The following PANK3 variants were observed in gnomAD, a reference collection of about 807,000 sequenced individuals.
The protein encoded by PANK3 is hPanK3.
In PANK3, 20 loss-of-function variants were observed where a neutral mutation model predicts 39.4. That is an observed-to-expected ratio of 0.51 (90% CI 0.36 to 0.74). The LOEUF (loss-of-function observed/expected upper bound fraction) is 0.74. Among genes scored for constraint, PANK3 ranks in the 30% least tolerant of loss-of-function variants. PANK3 has a pLI of 0.00. For missense variants in PANK3, 265 were observed against 437.0 expected, an observed-to-expected ratio of 0.61 and a Z score of 3.51; for synonymous variants, 140 against 157.3, an observed-to-expected ratio of 0.89 and a Z score of 0.82.
intron 2 of PANK3, 66 bp downstream of exon 2, chr5:168,568,580 G>T: frequency 2.5e-6 from 3 of 1,194,468 alleles, no homozygotes; most frequent in East Asian, 2.3e-5. Context: ...GAACATGCTA[G>T]ATGGAAACCT....
intron 5 of PANK3, among the ~76,000 whole-genome samples, chr5:168,560,578 T>C (rs1051051447): frequency 2.0e-5 from 3 of 152,204 alleles, no homozygotes; most frequent in Non-Finnish European, 4.4e-5. Flanking sequence ...CTTTGTTTTC[T>C]TCATTAATAT....
In PANK3 at chr5:168,552,529, T is replaced by C. The variant is rs911331974; in HGVS notation, c.*5042A>G. On this transcript the variant is annotated 3_prime_UTR_variant, in exon 7 of 7. Transcript: ENST00000239231. ...TCCAACTAGAAAGTTGGAGGTCCAG[T>C]TGGAGCAACCAGCCACTGCTATTGC... 5.3e-6 allele frequency: 1 copy of C among 190,272 alleles called. No homozygotes were observed. Among genetic ancestry groups the C allele is most frequent in the Non-Finnish European group, 1.2e-5 (1 of 84,422 alleles). 11.8% of individuals were successfully genotyped at this position (190,272 alleles called of 1,614,324 possible).
At chr5:168,565,885 A>ATATATATATATTTTTT (rs1441027360) in intron 3 of PANK3, 128 bp downstream of exon 3, 1 of 192,932 alleles carries the variant, frequency 5.2e-6, no homozygotes, top group African/African-American at 2.7e-5. Context: ...ATATATATAT[A>ATATATATATATTTTTT]TTTTTTTTTT....
At chr5:168,578,151 C>T (rs1561844395) in intron 1 of PANK3, among the ~76,000 whole-genome samples, 1 of 152,304 alleles carries the variant, frequency 6.6e-6, no homozygotes, top group African/African-American at 2.4e-5. Flanking sequence ...AACCACATAG[C>T]ACATGGTTGG....
Position 168,559,029 on chromosome 5 carries a change from T to C in PANK3, c.1062+3A>G, listed in dbSNP as rs1391454257. On this transcript the variant is annotated splice_donor_region_variant and intron_variant, in intron 6 of 6. Coordinates refer to ENST00000239231, the MANE Select transcript of PANK3 (RefSeq NM_024594.4). ...ATTCACAAAAAACATTTTCCTACCA[T>C]ACCTCATGTTCTAGAAACAATGCTT... 3.8e-6 allele frequency: 6 copies of C among 1,599,500 alleles called. No individual in the cohort carries two copies. Among genetic ancestry groups the C allele is most frequent in the Admixed American group, 1.8e-5 (1 of 56,958 alleles).
intron 4 of PANK3, among the ~76,000 whole-genome samples, chr5:168,563,545 T>C (rs1291698039): frequency 6.6e-6 from 1 of 151,992 alleles, no homozygotes; most frequent in Non-Finnish European, 1.5e-5. Context: ...GTCAACAACA[T>C]GTAAAGATTT....
intron 1 of PANK3, among the ~76,000 whole-genome samples, chr5:168,572,698 T>A (rs1032514674): frequency 2.6e-5 from 4 of 152,216 alleles, no homozygotes; most frequent in Non-Finnish European, 5.9e-5. Context: ...GATGTATATG[T>A]GCAAGTCACA....
intron 1 of PANK3, among the ~76,000 whole-genome samples, chr5:168,570,733 G>A (rs1177913175): frequency 6.6e-6 from 1 of 152,220 alleles, no homozygotes; most frequent in Non-Finnish European, 1.5e-5. Context: ...CTTAGCTAAA[G>A]AGCTTAGACT....
At chr5:168,561,570 CG>C in intron 4 of PANK3, 54 bp from the exon 5 acceptor site, 1 of 1,437,488 alleles carries the variant, frequency 7.0e-7, no homozygotes, top group Non-Finnish European at 9.3e-7. Context: ...CAACATTTTA[CG>C]TATTAACAGA....
At chr5:168,559,250 T>G in intron 5 of PANK3, 93 bp from the exon 6 acceptor site, 3 of 922,314 alleles carry the variant, frequency 3.3e-6, no homozygotes, top group Non-Finnish European at 4.6e-6. Flanking sequence ...TATTTTAAAA[T>G]GCAAAAAAAC....
intron 2 of PANK3, among the ~76,000 whole-genome samples, chr5:168,568,043 A>G (rs1759563841): frequency 6.6e-6 from 1 of 152,228 alleles, no homozygotes; most frequent in Admixed American, 6.5e-5. Context: ...ATTCTAATGG[A>G]AAAGACTAGA....
chr5:168,551,108 G>A lies in PANK3; in HGVS notation c.*6463C>T, dbSNP rs142027194. On this transcript the variant is annotated 3_prime_UTR_variant, in exon 7 of 7. Transcript: ENST00000239231. Reference sequence around the variant, plus strand: ...TTAACAGAAGGAATTCCTTTTTTAGGTCTTTAGTGATTATTACTAGGCTCA... The same window carrying A: ...TTAACAGAAGGAATTCCTTTTTTAGATCTTTAGTGATTATTACTAGGCTCA... The A allele has an allele frequency of 3.9e-5, 6 of 152,166 alleles. No individual in the cohort carries two copies. In the East Asian group the frequency reaches 1.2e-3, roughly 29 times the overall value. The allele number at this position is 152,166 out of a possible 1,614,324, so 9.4% of individuals were successfully genotyped here. A position where few individuals can be genotyped will look rare whatever the true frequency, so the allele number is the denominator to read the frequency against.
rs762833666 is a variant in PANK3 at position 168,550,997 on chromosome 5, A to C, written c.*6574T>G. ...TTTGAATTTTTTGGAAGTGGAAATT[A>C]ATTATTCAAAATTTAGATATGTCAG... On this transcript the variant is annotated 3_prime_UTR_variant, in exon 7 of 7. Coordinates refer to ENST00000239231, the MANE Select transcript of PANK3 (RefSeq NM_024594.4). 2 of 152,196 alleles carry C rather than the reference A, an allele frequency of 1.3e-5. No individual in the cohort carries two copies. Among genetic ancestry groups the C allele is most frequent in the Non-Finnish European group, 2.9e-5 (2 of 68,014 alleles). 9.4% of individuals were successfully genotyped at this position (152,196 alleles called of 1,614,324 possible).
At chr5:168,561,145 TTG>T (rs1319288965) in intron 5 of PANK3, among the ~76,000 whole-genome samples, 10 of 152,192 alleles carry the variant, frequency 6.6e-5, no homozygotes, top group Non-Finnish European at 1.3e-4. Context: ...GGGATTTAGG[TTG>T]TGTTTTTCTG....
chr5:168,573,078 T>C (rs747262682), intron 1 of PANK3, among the ~76,000 whole-genome samples: 1 of 152,148 alleles, frequency 6.6e-6, no homozygotes, highest in Non-Finnish European at 1.5e-5. Context: ...TGTTCGTTCC[T>C]TGAGTGCTGT....
rs1759313581 is a variant in PANK3 at position 168,554,109 on chromosome 5, T to G, written c.*3462A>C. On this transcript the variant is annotated 3_prime_UTR_variant, in exon 7 of 7. Coordinates refer to ENST00000239231, the MANE Select transcript of PANK3 (RefSeq NM_024594.4). ...TTGTAAAGCCTTTTACCTGGGAATT[T>G]ATTCTCTCTTTTGTATTTTTGATAG... The G allele has an allele frequency of 6.6e-6, 1 of 152,180 alleles. No homozygotes were observed. Among genetic ancestry groups the G allele is most frequent in the South Asian group, 2.1e-4 (1 of 4,824 alleles). The allele number at this position is 152,180 out of a possible 1,614,324, so 9.4% of individuals were successfully genotyped here.
At chr5:168,561,759 AG>A (rs1271610699) in intron 4 of PANK3, among the ~76,000 whole-genome samples, 1 of 152,194 alleles carries the variant, frequency 6.6e-6, no homozygotes, top group African/African-American at 2.4e-5. Flanking sequence ...AAGAAAGCAA[AG>A]ATTACCAAAA....
chr5:168,566,103 G>C lies in PANK3; in HGVS notation c.545C>G (p.Pro182Arg). 6.2e-7 allele frequency: 1 copy of C among 1,613,662 alleles called. No homozygotes were observed. The highest frequency in any genetic ancestry group is 8.5e-7 in the Non-Finnish European group (1 of 1,179,886). Residue 182 changes from proline to arginine, a missense_variant, in exon 3 of 7, where the codon CCC becomes CGC. Transcript: ENST00000239231. ...CQKMPFNLDD[P>R]YPLLVVNIGS... ...AATGTTCACTACAAGCAGTGGATAG[G>C]GATCATCCAGGTTAAAAGGCATCTT... is the stretch of plus-strand genomic sequence containing the variant.
rs752386767 is a variant in PANK3, at chr5:168,559,083, T to G, written c.1011A>C (p.Ala337=). The G allele has an allele frequency of 1.2e-6, 2 of 1,610,560 alleles. No individual in the cohort carries two copies. Among genetic ancestry groups the G allele is most frequent in the Non-Finnish European group, 8.5e-7 (1 of 1,177,500 alleles). The change falls in exon 6 of 7, where the codon GCA becomes GCC. Residue 337 remains alanine, a synonymous_variant. Coordinates refer to ENST00000239231, the MANE Select transcript of PANK3 (RefSeq NM_024594.4). ...NTLSMKLLAY[A]LDYWSKGQLK... ...GTTGACCTTTTGACCAGTAATCCAG[T>G]GCATATGCCAAAAGTTTCATTGAGA...
Sources: allele counts gnomAD v4.1 joint callset (sites outside exome capture counted in the v4.1 genomes callset), GRCh38; gene constraint gnomAD v4.1.1; transcripts MANE v1.5; gene names NCBI Gene and HGNC (gene_info 2026-07-23, HGNC 2026-07-21).